Variants in ATRNL1 observed in about 807,000 individuals in gnomAD.
ATRNL1 encodes attractin-like protein 1.
A neutral mutation model predicts 182.7 loss-of-function variants in ATRNL1; 95 were observed. The ratio of observed to expected loss-of-function variants is 0.52; its 90% CI spans 0.44 to 0.62. The LOEUF is 0.62. ATRNL1 is among the 20% of genes least tolerant of loss of function. ATRNL1 has a pLI of 0.00. For missense variants in ATRNL1, 1,471 were observed against 1,679.5 expected, an observed-to-expected ratio of 0.88 and a Z score of 2.17; for synonymous variants, 576 against 568.3, an observed-to-expected ratio of 1.01 and a Z score of -0.19.
intron 19 of ATRNL1, among the ~76,000 whole-genome samples, chr10:115,360,547 T>G (rs1321844379): frequency 2.0e-5 from 3 of 151,724 alleles, no homozygotes; most frequent in Non-Finnish European, 4.4e-5. Flanking sequence ...ATATTGTTAT[T>G]AAATATAGAT....
intron 22 of ATRNL1, among the ~76,000 whole-genome samples, chr10:115,464,869 C>T (rs1487505658): frequency 2.0e-5 from 3 of 151,702 alleles, no homozygotes; most frequent in Admixed American, 2.0e-4. Flanking sequence ...CAGAGCATGT[C>T]CTTTTTTTGA....
rs559512956 is a variant in ATRNL1, at chr10:115,334,967, G to T, written c.3175+548G>T. Among the ~76,000 whole-genome samples, 352 of 152,104 alleles carry T rather than the reference G, an allele frequency of 2.3e-3. 6 individuals carry two copies. The highest frequency in any genetic ancestry group is 8.1e-3 in the African/African-American group (337 of 41,496). On this transcript the variant is annotated intron_variant, in intron 19 of 28. Coordinates refer to ENST00000355044, the MANE Select transcript of ATRNL1 (RefSeq NM_207303.4). Reference sequence around the variant, plus strand: ...TTTTTCCCATATGTAAAATGGAGATGATAATAATTCACTGAGTTGTTGTAA... The same window carrying T: ...TTTTTCCCATATGTAAAATGGAGATTATAATAATTCACTGAGTTGTTGTAA...
chr10:115,481,178 C>T (rs1848747208), intron 24 of ATRNL1, among the ~76,000 whole-genome samples: 2 of 150,134 alleles, frequency 1.3e-5, no homozygotes, highest in Non-Finnish European at 3.0e-5. Context: ...TTTTATATAA[C>T]ATATTGTAAA....
intron 27 of ATRNL1, among the ~76,000 whole-genome samples, chr10:115,783,572 T>G (rs2134194448): frequency 6.6e-6 from 1 of 152,282 alleles, no homozygotes; most frequent in Admixed American, 6.5e-5. Context: ...ACCTACACAT[T>G]TAAGATATTA....
intron 26 of ATRNL1, among the ~76,000 whole-genome samples, chr10:115,726,132 A>G (rs1248409996): frequency 6.6e-6 from 1 of 152,172 alleles, no homozygotes; most frequent in Non-Finnish European, 1.5e-5. Context: ...GCTTAAATAA[A>G]TAAACTTGTG....
intron 15 of ATRNL1, among the ~76,000 whole-genome samples, chr10:115,291,085 G>C (rs1852880794): frequency 6.6e-6 from 1 of 152,164 alleles, no homozygotes. Flanking sequence ...TCTGTCTGCA[G>C]CTCAATTTCA....
intron 20 of ATRNL1, among the ~76,000 whole-genome samples, chr10:115,411,670 T>G (rs1196506953): frequency 2.0e-5 from 3 of 152,122 alleles, no homozygotes; most frequent in African/African-American, 7.2e-5. Context: ...AGCTCAAATA[T>G]CAGAAATATT....
Position 115,922,321 on chromosome 10 carries a change from T to C in ATRNL1, c.4019-22337T>C, listed in dbSNP as rs572098929. ...TGCATGTAGTCACTTAGCTAAAATT[T>C]CATGTCATTTAAATTTTCTGATCAT... On this transcript the variant is annotated intron_variant, in intron 28 of 28. Transcript: ENST00000355044. Among the ~76,000 whole-genome samples, 7 of 152,338 alleles carry C rather than the reference T, an allele frequency of 4.6e-5. No individual in the cohort carries two copies. In the South Asian group the frequency reaches 1.5e-3, roughly 32 times the overall value.
intron 19 of ATRNL1, among the ~76,000 whole-genome samples, chr10:115,384,278 A>C (rs1357752159): frequency 2.0e-5 from 3 of 152,010 alleles, no homozygotes; most frequent in Non-Finnish European, 4.4e-5. Flanking sequence ...CCCTTAGATA[A>C]ATGTTGTCAA....
At chr10:115,535,011 C>A (rs1851876605) in intron 25 of ATRNL1, among the ~76,000 whole-genome samples, 1 of 152,066 alleles carries the variant, frequency 6.6e-6, no homozygotes, top group Non-Finnish European at 1.5e-5. Flanking sequence ...TTGAGGGTAA[C>A]CCGACCTTTC....
intron 19 of ATRNL1, among the ~76,000 whole-genome samples, chr10:115,372,954 T>G (rs1241453015): frequency 6.6e-5 from 10 of 152,158 alleles, no homozygotes; most frequent in African/African-American, 2.4e-4. Context: ...TAGATCACTT[T>G]GCGTAATATG....
chr10:115,616,643 G>A (rs995319944), intron 26 of ATRNL1, among the ~76,000 whole-genome samples: 1 of 152,154 alleles, frequency 6.6e-6, no homozygotes, highest in African/African-American at 2.4e-5. Flanking sequence ...TGCAACCTTG[G>A]GACACTGCTC....
intron 26 of ATRNL1, among the ~76,000 whole-genome samples, chr10:115,621,315 T>TGTGA (rs1555022838): frequency 0.017 from 1,555 of 89,532 alleles, 28 homozygotes; most frequent in East Asian, 0.082. Flanking sequence ...AGAGAGAGAG[T>TGTGA]GTGTGAGTGA....
intron 26 of ATRNL1, among the ~76,000 whole-genome samples, chr10:115,557,525 A>G (rs1554997380): frequency 6.6e-6 from 1 of 151,840 alleles, no homozygotes; most frequent in African/African-American, 2.4e-5. Flanking sequence ...TGTCTAAAAA[A>G]TTCTGGTGGT....
chr10:115,446,628 G>C (rs1279983707), intron 21 of ATRNL1, among the ~76,000 whole-genome samples: 2 of 151,836 alleles, frequency 1.3e-5, no homozygotes, highest in African/African-American at 4.8e-5. Context: ...TGTAAGAAAA[G>C]CAAAAATGTT....
chr10:115,748,163 G>A (rs1948346647), intron 27 of ATRNL1, among the ~76,000 whole-genome samples: 1 of 151,954 alleles, frequency 6.6e-6, no homozygotes, highest in African/African-American at 2.4e-5. Context: ...CATGTAGAAT[G>A]TACTGCTATT....
intron 21 of ATRNL1, among the ~76,000 whole-genome samples, chr10:115,435,953 T>C (rs1360351077): frequency 6.6e-6 from 1 of 152,186 alleles, no homozygotes; most frequent in Non-Finnish European, 1.5e-5. Context: ...AGTAGACTCA[T>C]ATAAGTTATT....
At chr10:115,201,477 T>G (rs1285375938) in intron 8 of ATRNL1, among the ~76,000 whole-genome samples, 8 of 152,308 alleles carry the variant, frequency 5.3e-5, no homozygotes, top group East Asian at 1.9e-4. Flanking sequence ...GCACCATTTA[T>G]TAAATAGGGA....
chr10:115,933,961 C>G lies in ATRNL1; in HGVS notation c.4019-10697C>G, dbSNP rs149960102. Among the ~76,000 whole-genome samples, 722 of 152,274 alleles carry G rather than the reference C, an allele frequency of 4.7e-3. 4 individuals are homozygous for G. The highest frequency in any genetic ancestry group is 0.017 in the African/African-American group (695 of 41,552). On this transcript the variant is annotated intron_variant, in intron 28 of 28. Transcript: ENST00000355044. ...TTCCACCGAAGATTTGCACACACAC[C>G]CCAGCCCCAGCTGAGTAGTGGAGAG...
Sources: allele counts gnomAD v4.1 joint callset (sites outside exome capture counted in the v4.1 genomes callset), GRCh38; gene constraint gnomAD v4.1.1; transcripts MANE v1.5; gene names NCBI Gene and HGNC (gene_info 2026-07-23, HGNC 2026-07-21).